The following SOX6 variants were observed in gnomAD, a reference collection of about 807,000 sequenced individuals.
SOX6 encodes the protein transcription factor SOX-6.
SOX6 carries 11 observed loss-of-function variants against 97.8 expected under a neutral mutation model. The ratio of observed to expected loss-of-function variants is 0.11; its 90% CI spans 0.07 to 0.19. SOX6 has a LOEUF of 0.19. Ranked by LOEUF, SOX6 falls within the 10% of genes least tolerant of loss-of-function variation. The pLI, the probability that SOX6 is intolerant of heterozygous loss-of-function variation, is 1.00. For missense variants in SOX6, 810 were observed against 1,039.5 expected (o/e 0.78, Z 3.04); for synonymous variants, 360 against 371.4 (o/e 0.97, Z 0.35).
At chr11:16,314,114 C>T (rs1855692035) in intron 3 of SOX6, 1 of 152,134 alleles carries the variant, frequency 6.6e-6, no homozygotes, top group Non-Finnish European at 1.5e-5. Flanking sequence ...TCAGTGGTTC[C>T]TCCATTGCCT....
At position 16,567,739 on chromosome 11, in the gene SOX6, T is replaced by C. The variant is rs1589988841; in HGVS notation, n.609+44342A>G. 2.0e-5 allele frequency among the ~76,000 whole-genome samples: 3 copies of C among 148,002 alleles called. No individual in the cohort carries two copies. In the East Asian group the frequency reaches 5.9e-4, roughly 29 times the overall value. On this transcript the variant is annotated intron_variant and non_coding_transcript_variant, in intron 4 of 5. Transcript: ENST00000524520. ...ATGCCACCACGCCTGGCTGATTTTT[T>C]TTTTTTTTTGTATTTTTAGTAGAGA...
At chr11:16,498,619 C>T (rs1860650288) in intron 4 of SOX6, among the ~76,000 whole-genome samples, 1 of 151,952 alleles carries the variant, frequency 6.6e-6, no homozygotes, top group Non-Finnish European at 1.5e-5. Flanking sequence ...GGAAGATCTA[C>T]CAAACAAATG....
At chr11:16,620,722 T>A (rs901181365) in intron 3 of SOX6, among the ~76,000 whole-genome samples, 2 of 152,192 alleles carry the variant, frequency 1.3e-5, no homozygotes, top group Admixed American at 6.5e-5. Context: ...TTTCAGCAAT[T>A]TTGTGATTTT....
At chr11:16,651,775 G>A (rs1360743676) in intron 3 of SOX6, among the ~76,000 whole-genome samples, 1 of 152,132 alleles carries the variant, frequency 6.6e-6, no homozygotes, top group East Asian at 1.9e-4. Context: ...CCTAGCCAGA[G>A]CAATCAGACA....
intron 1 of SOX6, among the ~76,000 whole-genome samples, chr11:16,433,868 T>C (rs1859318521): frequency 6.6e-6 from 1 of 152,226 alleles, no homozygotes; most frequent in South Asian, 2.1e-4. Context: ...TGTATATATG[T>C]TGTAGCTAAT....
chr11:16,010,660 G>A (rs1267679382), intron 13 of SOX6, among the ~76,000 whole-genome samples: 1 of 151,996 alleles, frequency 6.6e-6, no homozygotes, highest in Non-Finnish European at 1.5e-5. Context: ...CTCAACTATT[G>A]TTGCTGGGGG....
intron 1 of SOX6, among the ~76,000 whole-genome samples, chr11:16,395,735 G>T (rs1218576142): frequency 6.6e-6 from 1 of 151,702 alleles, no homozygotes; most frequent in African/African-American, 2.4e-5. Context: ...AAGGAATATG[G>T]AATTTAAGCA....
chr11:16,316,753 A>G (rs903511511), intron 3 of SOX6: 3 of 152,120 alleles, frequency 2.0e-5, no homozygotes, highest in Non-Finnish European at 4.4e-5. Flanking sequence ...GTGGATCACA[A>G]TTAAAAGTAA....
chr11:16,072,487 G>A (rs756643345), intron 9 of SOX6, among the ~76,000 whole-genome samples: 1 of 152,156 alleles, frequency 6.6e-6, no homozygotes, highest in South Asian at 2.1e-4. Context: ...GCCCTTGAAA[G>A]AGAGGAATAG....
intron 8 of SOX6, 107 bp downstream of exon 8, chr11:16,097,502 C>T: frequency 2.1e-6 from 2 of 968,754 alleles, no homozygotes; most frequent in South Asian, 1.4e-5. Context: ...CTGGGCTATG[C>T]TTAAAAAATT....
At chr11:16,330,194 T>G (rs1417295061) in intron 2 of SOX6, among the ~76,000 whole-genome samples, 2 of 152,188 alleles carry the variant, frequency 1.3e-5, no homozygotes, top group African/African-American at 4.8e-5. Flanking sequence ...TTTCATGCCA[T>G]GTAAGCAGAG....
chr11:16,257,060 A>C (rs1212154664), intron 3 of SOX6, among the ~76,000 whole-genome samples: 1 of 151,898 alleles, frequency 6.6e-6, no homozygotes, highest in East Asian at 1.9e-4. Context: ...GATATTAAGG[A>C]AGAACTAAAT....
chr11:16,539,419 C>T (rs1861366241), intron 4 of SOX6, among the ~76,000 whole-genome samples: 1 of 151,844 alleles, frequency 6.6e-6, no homozygotes, highest in Non-Finnish European at 1.5e-5. Flanking sequence ...ACTAGAGAAG[C>T]AAGAACAAAT....
chr11:16,695,805 T>G (rs1848048511), intron 3 of SOX6, among the ~76,000 whole-genome samples: 1 of 151,508 alleles, frequency 6.6e-6, no homozygotes, highest in Non-Finnish European at 1.5e-5. Context: ...CTGGCCAACA[T>G]GGTGAGACCC....
intron 3 of SOX6, among the ~76,000 whole-genome samples, chr11:16,713,015 T>C (rs1848192951): frequency 6.6e-6 from 1 of 152,158 alleles, no homozygotes; most frequent in Non-Finnish European, 1.5e-5. Flanking sequence ...GACCCTCTTC[T>C]TTTACAAATA....
intron 12 of SOX6, among the ~76,000 whole-genome samples, chr11:16,039,749 C>A (rs1855608325): frequency 1.3e-5 from 2 of 151,812 alleles, no homozygotes; most frequent in South Asian, 4.2e-4. Flanking sequence ...ATATTACTAC[C>A]TAATTGATTT....
At chr11:16,488,929 T>A (rs1438311381) in intron 4 of SOX6, among the ~76,000 whole-genome samples, 2 of 152,126 alleles carry the variant, frequency 1.3e-5, no homozygotes, top group Admixed American at 6.5e-5. Flanking sequence ...GAAACAGACA[T>A]ACAACTCACT....
At chr11:16,513,598 A>G (rs1020785981) in intron 4 of SOX6, among the ~76,000 whole-genome samples, 1 of 152,128 alleles carries the variant, frequency 6.6e-6, no homozygotes, top group Non-Finnish European at 1.5e-5. Context: ...GTGCCACTGC[A>G]CTCCAGCCTG....
chr11:16,414,642 A>G (rs1457173974), intron 1 of SOX6, among the ~76,000 whole-genome samples: 28 of 152,206 alleles, frequency 1.8e-4, no homozygotes, highest in Admixed American at 1.8e-3. Context: ...AAAAAGATAA[A>G]TTGTGACAAG....
Sources: gnomAD v4.1 joint callset for allele counts (sites outside exome capture counted in the v4.1 genomes callset) on GRCh38, gnomAD v4.1.1 for gene constraint, MANE v1.5 for transcripts, NCBI Gene and HGNC (gene_info 2026-07-23, HGNC 2026-07-21) for gene names.